The following FER variants were observed in gnomAD, a reference collection of about 807,000 sequenced individuals.
FER encodes FER tyrosine kinase.
Under a neutral mutation model 111.0 loss-of-function variants are expected in FER, and 63 were observed. The observed-to-expected ratio is 0.57, with a 90% CI of 0.46 to 0.70. The LOEUF (loss-of-function observed/expected upper bound fraction) is 0.70. Ranked by LOEUF, FER falls within the 30% of genes least tolerant of loss-of-function variation. The probability of loss-of-function intolerance (pLI) is 0.00; values close to 1 mark genes in which losing one functional copy is unlikely to be tolerated. For missense variants in FER, 914 were observed against 954.0 expected, an observed-to-expected ratio of 0.96 and a Z score of 0.55; for synonymous variants, 327 against 313.9, an observed-to-expected ratio of 1.04 and a Z score of -0.44.
intron 13 of FER, among the ~76,000 whole-genome samples, chr5:108,967,514 C>G (rs894986725): frequency 6.6e-6 from 1 of 152,096 alleles, no homozygotes; most frequent in Non-Finnish European, 1.5e-5. Context: ...GTAATCTCAG[C>G]AATTTGGGAG....
intron 11 of FER, among the ~76,000 whole-genome samples, chr5:108,949,818 A>T (rs1001728295): frequency 2.6e-5 from 4 of 152,008 alleles, no homozygotes; most frequent in African/African-American, 9.7e-5. Context: ...GGCACATTTT[A>T]TATGTAAAAT....
chr5:108,753,037 T>C (rs1282154284), intron 1 of FER, among the ~76,000 whole-genome samples: 1 of 152,140 alleles, frequency 6.6e-6, no homozygotes, highest in East Asian at 1.9e-4. Flanking sequence ...CTTTAAGTCA[T>C]AATTTTCTCA....
chr5:109,020,542 T>C (rs1412711454), intron 13 of FER, among the ~76,000 whole-genome samples: 3 of 152,014 alleles, frequency 2.0e-5, no homozygotes, highest in Non-Finnish European at 4.4e-5. Flanking sequence ...GATCTCAGTT[T>C]CCTTCTATAT....
At chr5:109,165,662 C>G (rs1366443886) in intron 17 of FER, among the ~76,000 whole-genome samples, 2 of 151,384 alleles carry the variant, frequency 1.3e-5, no homozygotes, top group Non-Finnish European at 2.9e-5. Context: ...ATATCACAGA[C>G]TCAGTCTTAT....
chr5:109,109,238 T>C (rs1749309522), intron 17 of FER, among the ~76,000 whole-genome samples: 1 of 152,188 alleles, frequency 6.6e-6, no homozygotes, highest in South Asian at 2.1e-4. Context: ...TAACCTGTTT[T>C]ATTTTTTGTG....
rs187092830 is a variant in FER at position 109,141,412 on chromosome 5, G to A, written c.2049-39335G>A. On this transcript the variant is annotated intron_variant, in intron 17 of 19. Coordinates refer to ENST00000281092, the MANE Select transcript of FER (RefSeq NM_005246.4). Reference sequence around the variant, plus strand: ...TCACTAAACTGAAAAGCCACAGGTGGTACTGCAGACTAACTGCAAATGGCC... The same window carrying A: ...TCACTAAACTGAAAAGCCACAGGTGATACTGCAGACTAACTGCAAATGGCC... Among the ~76,000 whole-genome samples the A allele has an allele frequency of 1.1e-4, 17 of 152,260 alleles. No homozygotes were observed. In the East Asian group the frequency reaches 3.3e-3, roughly 29 times the overall value.
At chr5:108,981,186 G>A (rs934701074) in intron 13 of FER, among the ~76,000 whole-genome samples, 2 of 151,896 alleles carry the variant, frequency 1.3e-5, no homozygotes, top group African/African-American at 4.8e-5. Flanking sequence ...TTAATAATGT[G>A]TTTTAGTTTA....
In FER at chr5:108,762,088, T is replaced by C. The variant is rs187438845; in HGVS notation, c.-205-6005T>C. 2.6e-5 allele frequency among the ~76,000 whole-genome samples: 4 copies of C among 152,214 alleles called. No individual in the cohort carries two copies. The East Asian group carries it at 7.7e-4, about 29-fold the overall frequency. On this transcript the variant is annotated intron_variant, in intron 1 of 19. Coordinates refer to ENST00000281092, the MANE Select transcript of FER (RefSeq NM_005246.4). The stretch of plus-strand genomic sequence containing the variant: ...TCCACACCTGGCTAATTTTTTTTTG[T>C]ATTTTTAATGCAGACAGGGTTTTAC...
chr5:108,870,886 A>G lies in FER; in HGVS notation c.666-479A>G, dbSNP rs191824939. On this transcript the variant is annotated intron_variant, in intron 6 of 19. Transcript: ENST00000281092. ...AGAGAAGAAATTTAGATGTCATTCA[A>G]GGTATAGAACCAGTTCAACTAAGTA... Among the ~76,000 whole-genome samples, 28 of 152,238 alleles carry G rather than the reference A, an allele frequency of 1.8e-4. No homozygotes were observed. In the East Asian group the frequency reaches 5.0e-3, roughly 27 times the overall value.
chr5:109,047,196 C>A lies in FER; in HGVS notation c.1922C>A (p.Ser641Ter). The A allele has an allele frequency of 6.3e-7, 1 of 1,580,530 alleles. No individual in the cohort carries two copies. Among genetic ancestry groups the A allele is most frequent in the Non-Finnish European group, 8.6e-7 (1 of 1,157,288 alleles). Reference sequence around the variant, plus strand: ...GTCTACATCATTATGGAACTGGTTTCAGGTAATGTGATCTGAGAATTTTTG... The same window carrying A: ...GTCTACATCATTATGGAACTGGTTTAAGGTAATGTGATCTGAGAATTTTTG... ...QPVYIIMELV[S>*]GGDFLTFLRR... The change falls in exon 16 of 20, where the codon TCA becomes TAA. Residue 641 changes from serine (S) to a stop codon, truncating the protein, a stop_gained and splice_region_variant. Transcript: ENST00000281092. LOFTEE classifies it high-confidence loss of function.
intron 13 of FER, among the ~76,000 whole-genome samples, chr5:109,014,263 G>A (rs2149811272): frequency 6.6e-6 from 1 of 152,212 alleles, no homozygotes; most frequent in East Asian, 1.9e-4. Context: ...TTTTGTATGA[G>A]GTGTCAGGAA....
intron 16 of FER, among the ~76,000 whole-genome samples, chr5:109,077,510 G>A (rs1034965898): frequency 2.6e-5 from 4 of 152,028 alleles, no homozygotes; most frequent in Non-Finnish European, 5.9e-5. Flanking sequence ...ATGGAATTTA[G>A]CTTTTAAAAT....
chr5:108,948,363 A>AT (rs1020762837), intron 11 of FER, among the ~76,000 whole-genome samples: 1 of 152,064 alleles, frequency 6.6e-6, no homozygotes, highest in African/African-American at 2.4e-5. Flanking sequence ...GATGTTTAAT[A>AT]TTTTTTGTTA....
intron 16 of FER, 47 bp downstream of exon 16, chr5:109,047,245 T>A: frequency 9.7e-7 from 1 of 1,031,606 alleles, no homozygotes; most frequent in Non-Finnish European, 1.5e-6. Flanking sequence ...TAATGTCATG[T>A]TTTATTGTTT....
chr5:109,119,480 A>G (rs1488613680), intron 17 of FER, among the ~76,000 whole-genome samples: 3 of 152,126 alleles, frequency 2.0e-5, no homozygotes, highest in Non-Finnish European at 4.4e-5. Context: ...AAGAATGTAT[A>G]TTCTGTTGAT....
At chr5:108,876,683 T>G (rs1454080788) in intron 8 of FER, among the ~76,000 whole-genome samples, 4 of 152,342 alleles carry the variant, frequency 2.6e-5, no homozygotes, top group African/African-American at 9.6e-5. Flanking sequence ...AATTAAAATC[T>G]TATGGTCATG....
chr5:109,136,979 G>A (rs922514593), intron 17 of FER, among the ~76,000 whole-genome samples: 2 of 152,128 alleles, frequency 1.3e-5, no homozygotes, highest in African/African-American at 4.8e-5. Flanking sequence ...TTATCCTAAT[G>A]TAACATTCAG....
At chr5:109,009,135 C>T (rs1765899474) in intron 13 of FER, among the ~76,000 whole-genome samples, 1 of 150,046 alleles carries the variant, frequency 6.7e-6, no homozygotes, top group Non-Finnish European at 1.5e-5. Flanking sequence ...GCAACTGCCG[C>T]CTCCCGGGTT....
chr5:108,959,219 C>A lies in FER; in HGVS notation c.1534-6C>A. ...CATTTATTCTACCTTATTGTTCTCT[C>A]TCCAGAACATGTATCGATTCGAGGG... On this transcript the variant is annotated splice_polypyrimidine_tract_variant and splice_region_variant and intron_variant, in intron 12 of 19. Coordinates refer to ENST00000281092, the MANE Select transcript of FER (RefSeq NM_005246.4). The A allele has an allele frequency of 6.2e-7, 1 of 1,610,732 alleles. No individual in the cohort carries two copies. Among genetic ancestry groups the A allele is most frequent in the South Asian group, 1.1e-5 (1 of 90,704 alleles).
Sources: allele counts gnomAD v4.1 joint callset (sites outside exome capture counted in the v4.1 genomes callset), GRCh38; gene constraint gnomAD v4.1.1; transcripts MANE v1.5; gene names NCBI Gene and HGNC (gene_info 2026-07-23, HGNC 2026-07-21).